Variants in FRMD4B observed in about 807,000 individuals in gnomAD.
The protein encoded by FRMD4B is FERM domain containing 4B, also known as FERM domain-containing protein 4B.
Under a neutral mutation model 141.5 loss-of-function variants are expected in FRMD4B, and 74 were observed. That is an observed-to-expected ratio of 0.52 (90% CI 0.43 to 0.63). The LOEUF (loss-of-function observed/expected upper bound fraction) is 0.63, where lower values mean the gene tolerates loss of function less well. FRMD4B is among the 30% of genes least tolerant of loss of function. FRMD4B has a pLI of 0.00. For missense variants in FRMD4B, 1,366 were observed against 1,253.4 expected (o/e 1.09, Z -1.36); for synonymous variants, 506 against 467.9 (o/e 1.08, Z -1.05).
At chr3:69,173,617 G>T (rs2092611679) in intron 22 of FRMD4B, among the ~76,000 whole-genome samples, 1 of 152,052 alleles carries the variant, frequency 6.6e-6, no homozygotes. Flanking sequence ...CTGTTAATAG[G>T]TTAAATTGAT....
At chr3:69,484,207 G>C (rs919867722) in intron 1 of FRMD4B, among the ~76,000 whole-genome samples, 4 of 152,196 alleles carry the variant, frequency 2.6e-5, no homozygotes, top group Non-Finnish European at 5.9e-5. Flanking sequence ...AAGAGCAACA[G>C]AAGAATGATT....
rs1705082774 is a variant in FRMD4B, at chr3:69,426,582, AG to A, written c.-1+6051del. 1.3e-5 allele frequency among the ~76,000 whole-genome samples: 2 copies of A among 152,122 alleles called. 1 individual carries two copies. The highest frequency in any genetic ancestry group is 4.1e-4 in the South Asian group (2 of 4,820). On this transcript the variant is annotated intron_variant, in intron 2 of 5. Transcript: ENST00000459638. ...AATGTCTGTCCTGGCAGAGGAAAGG[AG>A]GGGAGCATATTAACTGCATAGTTGC...
At chr3:69,381,311 C>T (rs966097438) in intron 1 of FRMD4B, among the ~76,000 whole-genome samples, 1 of 152,164 alleles carries the variant, frequency 6.6e-6, no homozygotes, top group Non-Finnish European at 1.5e-5. Context: ...GCTAGCCTGA[C>T]AATAATGTTG....
At chr3:69,470,256 CA>C (rs1705864950) in intron 1 of FRMD4B, among the ~76,000 whole-genome samples, 1 of 152,068 alleles carries the variant, frequency 6.6e-6, no homozygotes, top group Non-Finnish European at 1.5e-5. Context: ...TTTGTTTTGC[CA>C]AAATGTGTAT....
chr3:69,538,481 T>C (rs754246660), intron 1 of FRMD4B, among the ~76,000 whole-genome samples: 1 of 152,062 alleles, frequency 6.6e-6, no homozygotes, highest in Non-Finnish European at 1.5e-5. Flanking sequence ...CACATAGGAG[T>C]GACTCAAAGT....
Position 69,536,488 on chromosome 3 carries a change from C to T in FRMD4B, c.-129+5718G>A, listed in dbSNP as rs559402817. On this transcript the variant is annotated intron_variant, in intron 1 of 5. Coordinates refer to the FRMD4B transcript ENST00000459638. ...GAGCTTGACGGCCACCGCCAACGTGCCCTAGCGCTACTCCCCAGCCTGCAG... is the reference window on the plus strand; with the variant it reads ...GAGCTTGACGGCCACCGCCAACGTGTCCTAGCGCTACTCCCCAGCCTGCAG... 2.7e-4 allele frequency: 189 copies of T among 697,904 alleles called. No homozygotes were observed. In the African/African-American group the frequency reaches 3.0e-3, roughly 11 times the overall value. 43.2% of individuals were successfully genotyped at this position (697,904 alleles called of 1,614,324 possible).
chr3:69,313,437 G>C lies in FRMD4B; in HGVS notation c.228+15C>G. The C allele has an allele frequency of 6.4e-7, 1 of 1,550,776 alleles. No homozygotes were observed. The highest frequency in any genetic ancestry group is 1.2e-5 in the South Asian group (1 of 84,456). The stretch of plus-strand genomic sequence containing the variant: ...CAAGACTTATCTGGGCAACACACAT[G>C]TGGGCCACACCTACCTGAACCAGCA... On this transcript the variant is annotated intron_variant, in intron 2 of 22. Transcript: ENST00000398540.
intron 5 of FRMD4B, among the ~76,000 whole-genome samples, chr3:69,252,884 A>C (rs1377476836): frequency 6.6e-6 from 1 of 152,170 alleles, no homozygotes; most frequent in Non-Finnish European, 1.5e-5. Context: ...CATGGATAAA[A>C]AAAGAGAACC....
At position 69,181,061 on chromosome 3, in the gene FRMD4B, C is replaced by T. The variant is rs776060332; in HGVS notation, c.2689G>A (p.Glu897Lys). 9 of 1,613,834 alleles carry T rather than the reference C, an allele frequency of 5.6e-6. No individual in the cohort carries two copies. Among genetic ancestry groups the T allele is most frequent in the Admixed American group, 1.7e-5 (1 of 59,998 alleles). The change falls in exon 21 of 23, where the codon GAG (glutamate) becomes AAG (lysine). Residue 897 changes from glutamate (E) to lysine (K), a missense_variant. Physicochemically the swap from Glu to Lys is moderately conservative, Grantham distance 56. Transcript: ENST00000398540. The part of the protein sequence containing the change: ...TKNIHKALVA[E>K]HLRGWYQRAS... Reference sequence around the variant, plus strand: ...CGCTGGTACCAGCCACGCAAGTGCTCGGCAACTAAGGCCTTGTGGATGTTT... The same window carrying T: ...CGCTGGTACCAGCCACGCAAGTGCTTGGCAACTAAGGCCTTGTGGATGTTT...
Position 69,176,647 on chromosome 3 carries a change from G to A in FRMD4B, c.2861C>T (p.Thr954Ile). ...RASSYSSVSS[T>I]NASGNWRTQL... ...GGTCCTCCAGTTCCCAGAAGCATTTGTAGAAGACACTGGAAATAAAAATGG... is the reference window on the plus strand; with the variant it reads ...GGTCCTCCAGTTCCCAGAAGCATTTATAGAAGACACTGGAAATAAAAATGG... The change falls in exon 22 of 23, where the codon ACA (threonine) becomes ATA (isoleucine). Residue 954 changes from threonine (T) to isoleucine (I), a missense_variant. Physicochemically the swap from Thr to Ile is moderately conservative, Grantham distance 89 (BLOSUM62 -1). Transcript: ENST00000398540. The A allele has an allele frequency of 1.3e-6, 2 of 1,596,372 alleles. No homozygotes were observed. The highest frequency in any genetic ancestry group is 1.7e-6 in the Non-Finnish European group (2 of 1,166,914).
At chr3:69,259,832 C>T (rs2093514789) in intron 5 of FRMD4B, among the ~76,000 whole-genome samples, 2 of 152,172 alleles carry the variant, frequency 1.3e-5, no homozygotes, top group Non-Finnish European at 2.9e-5. Flanking sequence ...AATGGGGTCA[C>T]CCAGGCTAAT....
At chr3:69,488,762 G>A (rs1443734778) in intron 1 of FRMD4B, among the ~76,000 whole-genome samples, 2 of 151,534 alleles carry the variant, frequency 1.3e-5, no homozygotes, top group African/African-American at 2.4e-5. Flanking sequence ...GCATGGTGGC[G>A]GGTGCCTGTA....
chr3:69,192,733 T>C (rs984305941), intron 17 of FRMD4B, among the ~76,000 whole-genome samples: 2 of 152,354 alleles, frequency 1.3e-5, no homozygotes, highest in Non-Finnish European at 2.9e-5. Flanking sequence ...ATTGGGATCA[T>C]GTTGTGGTAA....
At chr3:69,351,469 A>T (rs1019253088) in intron 1 of FRMD4B, among the ~76,000 whole-genome samples, 82 of 152,314 alleles carry the variant, frequency 5.4e-4, no homozygotes, top group African/African-American at 1.9e-3. Flanking sequence ...GCTTTTTGTG[A>T]TAAGAGACAA....
intron 7 of FRMD4B, among the ~76,000 whole-genome samples, chr3:69,235,202 TTC>T (rs1018104176): frequency 7.1e-6 from 1 of 140,460 alleles, no homozygotes; most frequent in Non-Finnish European, 1.6e-5. Flanking sequence ...TAATAATATT[TTC>T]AAGAAAGAAA....
At chr3:69,486,074 A>C (rs539926172) in intron 1 of FRMD4B, among the ~76,000 whole-genome samples, 9 of 152,372 alleles carry the variant, frequency 5.9e-5, no homozygotes, top group African/African-American at 2.2e-4. Context: ...TACATGGGGC[A>C]GTTCAATAGA....
chr3:69,199,996 T>C (rs1040967135), intron 11 of FRMD4B, among the ~76,000 whole-genome samples: 2 of 152,184 alleles, frequency 1.3e-5, no homozygotes, highest in Non-Finnish European at 2.9e-5. Flanking sequence ...GCAGAGAGTT[T>C]CATTATATTA....
At chr3:69,332,126 T>C (rs1702389564) in intron 1 of FRMD4B, among the ~76,000 whole-genome samples, 1 of 152,096 alleles carries the variant, frequency 6.6e-6, no homozygotes, top group Non-Finnish European at 1.5e-5. Context: ...AAGCAATTGA[T>C]ACAGACTCCT....
chr3:69,428,625 C>A (rs186886361), intron 2 of FRMD4B, among the ~76,000 whole-genome samples: 107 of 151,988 alleles, frequency 7.0e-4, no homozygotes, highest in African/African-American at 2.5e-3. Flanking sequence ...ACTATTAACA[C>A]TTTTTCTTTG....
Sources: allele counts gnomAD v4.1 joint callset (sites outside exome capture counted in the v4.1 genomes callset), GRCh38; gene constraint gnomAD v4.1.1; transcripts MANE v1.5; gene names NCBI Gene and HGNC (gene_info 2026-07-23, HGNC 2026-07-21).